The following ENPEP variants were observed in gnomAD, a reference collection of about 807,000 sequenced individuals.
ENPEP encodes glutamyl aminopeptidase.
ENPEP carries 103 observed loss-of-function variants against 114.5 expected under a neutral mutation model. The observed-to-expected ratio is 0.90, with a 90% CI of 0.77 to 1.06. ENPEP has a LOEUF of 1.06. Among genes scored for constraint, ENPEP ranks in the 50% least tolerant of loss-of-function variants. The probability of loss-of-function intolerance (pLI) is 0.00; values close to 1 mark genes in which losing one functional copy is unlikely to be tolerated. For missense variants in ENPEP, 1,196 were observed against 1,161.3 expected, an observed-to-expected ratio of 1.03 and a Z score of -0.43; for synonymous variants, 420 against 422.0, an observed-to-expected ratio of 1.00 and a Z score of 0.06.
chr4:110,533,663 C>T (rs571207474), intron 11 of ENPEP, among the ~76,000 whole-genome samples: 3 of 152,220 alleles, frequency 2.0e-5, no homozygotes, highest in East Asian at 3.9e-4. Flanking sequence ...GTAGAGGAGA[C>T]GTGTGCTCTG....
At position 110,549,528 on chromosome 4, in the gene ENPEP, G is replaced by T. The variant is rs182927441; in HGVS notation, c.2226G>T (p.Lys742Asn). The T allele has an allele frequency of 9.6e-5, 155 of 1,613,384 alleles. No individual in the cohort carries two copies. Among genetic ancestry groups the T allele is most frequent in the Middle Eastern group, 8.3e-4 (5 of 6,056 alleles). Residue 742 changes from lysine (K) to asparagine (N), a missense_variant and splice_region_variant, in exon 16 of 20, where the codon AAG becomes AAT. Physicochemically the swap from Lys to Asn is moderately conservative, Grantham distance 94 (BLOSUM62 0). Coordinates refer to ENST00000265162, the MANE Select transcript of ENPEP (RefSeq NM_001977.4). ...GATTTGTGTTTGTTTGTTTTTTAAG[G>T]TTACTCCGTTCCTCCGTGTTAGGGT... ...GWNDAGDHVTKLLRSSVLGFA... is the reference protein window; with the variant it reads ...GWNDAGDHVTNLLRSSVLGFA...
At chr4:110,535,776 C>T (rs1397699444) in intron 11 of ENPEP, among the ~76,000 whole-genome samples, 2 of 152,054 alleles carry the variant, frequency 1.3e-5, no homozygotes, top group East Asian at 1.9e-4. Context: ...CGCCTGAGGT[C>T]GGGAGTTCGA....
intron 1 of ENPEP, 92 bp from the exon 2 acceptor site, chr4:110,488,449 A>G (rs1321301838): frequency 2.1e-6 from 3 of 1,399,002 alleles, no homozygotes; most frequent in Non-Finnish European, 2.8e-6. Flanking sequence ...TTATAATTGC[A>G]TAGCTGATTT....
In ENPEP at chr4:110,476,466, CAT is replaced by C. The variant is rs575628005; in HGVS notation, c.53_54del (p.His18ArgfsTer26). 1.8e-5 allele frequency: 28 copies of C among 1,553,788 alleles called. No individual in the cohort carries two copies. The highest frequency in any genetic ancestry group is 2.5e-5 in the South Asian group (2 of 81,452). On this transcript the variant is annotated frameshift_variant, in exon 1 of 20. Coordinates refer to ENST00000265162, the MANE Select transcript of ENPEP (RefSeq NM_001977.4). LOFTEE classifies it high-confidence loss of function. ...TAAGAGATACTGCATTCAAACGAAA[CAT>C]GTGGCCATTCTCTGTGCGGTGGTGG... The part of the protein sequence containing the change: ...GSKRYCIQTK[H>X]VAILCAVVVG...
At chr4:110,548,139 G>GTTTTTTTTTTTTTTTTTTTTTTTT (rs3042468) in intron 13 of ENPEP, 37 bp from the exon 14 acceptor site, 8 of 692,116 alleles carry the variant, frequency 1.2e-5, no homozygotes, top group East Asian at 6.5e-5. Context: ...TTAACTGTGA[G>GTTTTTTTTTTTTTTTTTTTTTTTT]TTTTTTTTTT....
At position 110,476,642 on chromosome 4, in the gene ENPEP, C is replaced by T. The variant is rs750134233; in HGVS notation, c.228C>T (p.Asp76=). Residue 76 remains aspartate, a synonymous_variant, in exon 1 of 20, where the codon GAC becomes GAT. Coordinates refer to ENST00000265162, the MANE Select transcript of ENPEP (RefSeq NM_001977.4). ...SPSGPPAQDQ[D]ICPASEDESG... ...CAGGTCCTCCTGCCCAGGACCAGGACATCTGCCCGGCCAGTGAGGATGAGA... is the reference window on the plus strand; with the variant it reads ...CAGGTCCTCCTGCCCAGGACCAGGATATCTGCCCGGCCAGTGAGGATGAGA... The T allele has an allele frequency of 5.0e-6, 8 of 1,614,010 alleles. No homozygotes were observed. Among genetic ancestry groups the T allele is most frequent in the Non-Finnish European group, 6.8e-6 (8 of 1,180,060 alleles).
chr4:110,532,531 CT>C (rs1726445489), intron 11 of ENPEP, among the ~76,000 whole-genome samples: 1 of 151,954 alleles, frequency 6.6e-6, no homozygotes, highest in African/African-American at 2.4e-5. Flanking sequence ...TCATTTCCAC[CT>C]TTTGTCTGTT....
chr4:110,484,840 T>C (rs1298342715), intron 1 of ENPEP, among the ~76,000 whole-genome samples: 3 of 150,994 alleles, frequency 2.0e-5, no homozygotes, highest in Non-Finnish European at 4.4e-5. Context: ...ACATACCCCA[T>C]GGCTATAGCT....
intron 7 of ENPEP, among the ~76,000 whole-genome samples, 188 bp downstream of exon 7, chr4:110,513,737 A>G (rs1294775166): frequency 6.6e-6 from 1 of 152,192 alleles, no homozygotes; most frequent in African/African-American, 2.4e-5. Flanking sequence ...GGTCATTGTC[A>G]CAGAATTTTA....
rs1399792298 is a variant in ENPEP, at chr4:110,549,518, G to GT, written c.2226-4dup. The GT allele has an allele frequency of 2.5e-6, 4 of 1,613,332 alleles. No homozygotes were observed. In the South Asian group the frequency reaches 3.3e-5, roughly 13 times the overall value. On this transcript the variant is annotated splice_polypyrimidine_tract_variant and intron_variant, in intron 15 of 19. Transcript: ENST00000265162. The stretch of plus-strand genomic sequence containing the variant: ...TAAGGCCCTGGATTTGTGTTTGTTT[G>GT]TTTTTTAAGGTTACTCCGTTCCTCC...
In ENPEP at chr4:110,517,893, T is replaced by C. The variant is rs138726659; in HGVS notation, c.1510-2115T>C. On this transcript the variant is annotated intron_variant, in intron 8 of 19. Coordinates refer to ENST00000265162, the MANE Select transcript of ENPEP (RefSeq NM_001977.4). ...ACCCTCAGACCAACTGGAACATAGT[T>C]CCATAGTTCACATAGTTTGAGCATC... is the stretch of plus-strand genomic sequence containing the variant. Among the ~76,000 whole-genome samples, 247 of 152,296 alleles carry C rather than the reference T, an allele frequency of 1.6e-3. 2 individuals carry two copies. The highest frequency in any genetic ancestry group is 5.6e-3 in the African/African-American group (232 of 41,554).
chr4:110,542,893 A>C lies in ENPEP; in HGVS notation c.1944+6A>C, dbSNP rs1726904268. ...CGCTCTCCTTGAACCACAAGGTAAG[A>C]GATAGCAATGGTTGGAAACTTTTAT... On this transcript the variant is annotated splice_donor_region_variant and intron_variant, in intron 12 of 19. Coordinates refer to ENST00000265162, the MANE Select transcript of ENPEP (RefSeq NM_001977.4). 6.2e-7 allele frequency: 1 copy of C among 1,611,906 alleles called. No individual in the cohort carries two copies. Among genetic ancestry groups the C allele is most frequent in the African/African-American group, 1.3e-5 (1 of 74,866 alleles).
At chr4:110,513,254 G>A (rs1419099096) in intron 6 of ENPEP, 161 bp from the exon 7 acceptor site, 1 of 670,532 alleles carries the variant, frequency 1.5e-6, no homozygotes, top group Admixed American at 3.9e-5. Context: ...AATCAATATA[G>A]CTCAATCAGT....
At chr4:110,551,648 T>G (rs1727289236) in intron 17 of ENPEP, among the ~76,000 whole-genome samples, 1 of 152,184 alleles carries the variant, frequency 6.6e-6, no homozygotes. Flanking sequence ...TCTATCTGAT[T>G]ATTCCCAAGA....
At chr4:110,548,114 G>A (rs1727135542) in intron 13 of ENPEP, 62 bp from the exon 14 acceptor site, 1 of 1,354,606 alleles carries the variant, frequency 7.4e-7, no homozygotes, top group Non-Finnish European at 9.5e-7. Flanking sequence ...GGAAACTAAA[G>A]TCTGTGGTTT....
At chr4:110,533,708 G>A (rs1402923185) in intron 11 of ENPEP, among the ~76,000 whole-genome samples, 1 of 152,134 alleles carries the variant, frequency 6.6e-6, no homozygotes, top group East Asian at 1.9e-4. Context: ...AAAGAGCAGG[G>A]AGTTCTCACA....
chr4:110,508,698 C>T (rs769790680), intron 4 of ENPEP, among the ~76,000 whole-genome samples: 4 of 152,162 alleles, frequency 2.6e-5, no homozygotes, highest in African/African-American at 7.2e-5. Context: ...GTAGTCCCAG[C>T]TACTCAGGAG....
intron 17 of ENPEP, among the ~76,000 whole-genome samples, chr4:110,550,311 C>A (rs1451083530): frequency 6.6e-6 from 1 of 152,084 alleles, no homozygotes; most frequent in East Asian, 1.9e-4. Context: ...GTCTCCAATT[C>A]TCCTCATAAT....
Position 110,520,092 on chromosome 4 carries a change from C to A in ENPEP, c.1575+19C>A. On this transcript the variant is annotated intron_variant, in intron 9 of 19. Coordinates refer to ENST00000265162, the MANE Select transcript of ENPEP (RefSeq NM_001977.4). ...GGAAGAGGTAAGGAAGAGTATATGTCCCCAAATATTTCTTTGTCTGATTTA... is the reference window on the plus strand; with the variant it reads ...GGAAGAGGTAAGGAAGAGTATATGTACCCAAATATTTCTTTGTCTGATTTA... 6.2e-7 allele frequency: 1 copy of A among 1,611,198 alleles called. No individual in the cohort carries two copies. Among genetic ancestry groups the A allele is most frequent in the East Asian group, 2.2e-5 (1 of 44,838 alleles).
Sources: allele counts gnomAD v4.1 joint callset (sites outside exome capture counted in the v4.1 genomes callset), GRCh38; gene constraint gnomAD v4.1.1; transcripts MANE v1.5; gene names NCBI Gene and HGNC (gene_info 2026-07-23, HGNC 2026-07-21).